The following MCTP1 variants were observed in gnomAD, a reference collection of about 807,000 sequenced individuals.
MCTP1 encodes the protein multiple C2 and transmembrane domain containing 1, also known as multiple C2 and transmembrane domain-containing protein 1.
A neutral mutation model predicts 120.6 loss-of-function variants in MCTP1; 69 were observed. That is an observed-to-expected ratio of 0.57 (90% CI 0.47 to 0.70). The LOEUF (loss-of-function observed/expected upper bound fraction) is 0.70, where lower values mean the gene tolerates loss of function less well. Among genes scored for constraint, MCTP1 ranks in the 30% least tolerant of loss-of-function variants. MCTP1 has a pLI of 0.00. For missense variants in MCTP1, 1,203 were observed against 1,248.8 expected (o/e 0.96, Z 0.55); for synonymous variants, 529 against 493.1 (o/e 1.07, Z -0.96).
At chr5:95,109,835 A>T (rs1252828373) in intron 1 of MCTP1, among the ~76,000 whole-genome samples, 2 of 152,230 alleles carry the variant, frequency 1.3e-5, no homozygotes, top group African/African-American at 2.4e-5. Flanking sequence ...CAAACAAGCA[A>T]AACAAGTCAT....
At chr5:95,168,937 G>C (rs1247692572) in intron 1 of MCTP1, among the ~76,000 whole-genome samples, 3 of 152,046 alleles carry the variant, frequency 2.0e-5, no homozygotes, top group Non-Finnish European at 2.9e-5. Flanking sequence ...ACACTATGTT[G>C]AATAGGAGTG....
chr5:94,985,866 C>T (rs1354720445), intron 2 of MCTP1, among the ~76,000 whole-genome samples: 1 of 152,136 alleles, frequency 6.6e-6, no homozygotes, highest in African/African-American at 2.4e-5. Context: ...AATGGCTTGT[C>T]TGTATAATCT....
intron 19 of MCTP1, among the ~76,000 whole-genome samples, chr5:94,757,034 T>G (rs1770062936): frequency 6.6e-6 from 1 of 152,236 alleles, no homozygotes; most frequent in African/African-American, 2.4e-5. Flanking sequence ...CCTTTGTTTG[T>G]GACTTTGGAC....
rs1249303711 is a variant in MCTP1, at chr5:95,284,677, G to A, written c.-102C>T. On this transcript the variant is annotated 5_prime_UTR_variant, in exon 1 of 23. Transcript: ENST00000515393. The surrounding 1 kb of genome is among the most constrained non-coding windows in gnomAD (Gnocchi z 5.2). ...CCTCCCGGGTCCCCGCGGCGCTGGC[G>A]GTGGCGGCGGCGGCGGCGGCGGGCG... 4 of 1,058,978 alleles carry A rather than the reference G, an allele frequency of 3.8e-6. No individual in the cohort carries two copies. The highest frequency in any genetic ancestry group is 3.8e-6 in the Non-Finnish European group (3 of 791,208). The allele number at this position is 1,058,978 out of a possible 1,614,324, so 65.6% of individuals were successfully genotyped here. A position where few individuals can be genotyped will look rare whatever the true frequency, so the allele number is the denominator to read the frequency against.
At chr5:94,885,161 G>GT (rs889343395) in intron 12 of MCTP1, among the ~76,000 whole-genome samples, 4 of 152,080 alleles carry the variant, frequency 2.6e-5, no homozygotes, top group Non-Finnish European at 5.9e-5. Context: ...GGGTGGAGAA[G>GT]TTTTATATTA....
intron 10 of MCTP1, among the ~76,000 whole-genome samples, chr5:94,897,019 G>T (rs866168563): frequency 2.0e-5 from 3 of 152,012 alleles, no homozygotes; most frequent in African/African-American, 7.2e-5. Context: ...AGCACTGTTA[G>T]CAGTGCTTCT....
At chr5:95,019,668 T>C (rs1163591980) in intron 1 of MCTP1, among the ~76,000 whole-genome samples, 1 of 152,110 alleles carries the variant, frequency 6.6e-6, no homozygotes, top group East Asian at 1.9e-4. Flanking sequence ...CAAGAGTGCC[T>C]ATTTTCCACA....
chr5:95,115,044 T>C (rs1757717741), intron 1 of MCTP1, among the ~76,000 whole-genome samples: 1 of 152,150 alleles, frequency 6.6e-6, no homozygotes, highest in African/African-American at 2.4e-5. Flanking sequence ...CTTCTACAAG[T>C]CTTCAGGAAC....
At position 95,284,666 on chromosome 5, in the gene MCTP1, G is replaced by A. The variant is rs918049533; in HGVS notation, c.-91C>T. On this transcript the variant is annotated 5_prime_UTR_variant, in exon 1 of 23. Coordinates refer to ENST00000515393, the MANE Select transcript of MCTP1 (RefSeq NM_024717.7). This position sits in a 1 kb window ranked among gnomAD's most constrained non-coding sequence, Gnocchi z 5.2. Reference sequence around the variant, plus strand: ...CGGCTGCACCTCCTCCCGGGTCCCCGCGGCGCTGGCGGTGGCGGCGGCGGC... The same window carrying A: ...CGGCTGCACCTCCTCCCGGGTCCCCACGGCGCTGGCGGTGGCGGCGGCGGC... The A allele has an allele frequency of 7.1e-6, 8 of 1,132,576 alleles. No homozygotes were observed. In the South Asian group the frequency reaches 1.2e-4, roughly 17 times the overall value. 70.2% of individuals were successfully genotyped at this position (1,132,576 alleles called of 1,614,324 possible).
chr5:94,825,955 C>T, intron 17 of MCTP1: 1 of 229,424 alleles, frequency 4.4e-6, no homozygotes, highest in Non-Finnish European at 8.9e-6. Context: ...TGGTAGGCAA[C>T]TTAGATCATT....
At chr5:95,034,750 C>T (rs574833222) in intron 1 of MCTP1, among the ~76,000 whole-genome samples, 131 of 151,940 alleles carry the variant, frequency 8.6e-4, no homozygotes, top group Non-Finnish European at 1.3e-3. Context: ...AGCTTCTGTA[C>T]GGCAAAAGAA....
chr5:94,871,546 C>A, intron 13 of MCTP1, 129 bp from the exon 14 acceptor site: 1 of 666,660 alleles, frequency 1.5e-6, no homozygotes, highest in Non-Finnish European at 2.7e-6. Flanking sequence ...TGCATACACA[C>A]ATATACAAGG....
chr5:95,175,022 G>A (rs1489783353), intron 1 of MCTP1, among the ~76,000 whole-genome samples: 1 of 151,796 alleles, frequency 6.6e-6, no homozygotes. Context: ...ATGAGAGAAT[G>A]ACATAAAATC....
In MCTP1 at chr5:94,704,124, T is replaced by C. The variant is rs1218450175; in HGVS notation, c.*3372A>G. ...ACATTATTTTCTATGTGGTTTTAAT[T>C]CATACTTTACTGAGCAATTAGAAAA... On this transcript the variant is annotated 3_prime_UTR_variant, in exon 23 of 23. Transcript: ENST00000515393. The C allele has an allele frequency of 6.7e-6, 1 of 148,618 alleles. No homozygotes were observed. The highest frequency in any genetic ancestry group is 1.5e-5 in the Non-Finnish European group (1 of 66,486). The allele number at this position is 148,618 out of a possible 1,614,324, so 9.2% of individuals were successfully genotyped here. A position where few individuals can be genotyped will look rare whatever the true frequency, so the allele number is the denominator to read the frequency against.
chr5:94,976,254 C>T (rs1416818529), intron 2 of MCTP1, among the ~76,000 whole-genome samples: 3 of 152,090 alleles, frequency 2.0e-5, no homozygotes, highest in Non-Finnish European at 4.4e-5. Flanking sequence ...AGCCTGTCCT[C>T]GCTTTAGCCA....
At chr5:94,954,125 AATAT>A (rs1196045398) in intron 2 of MCTP1, among the ~76,000 whole-genome samples, 1 of 72,970 alleles carries the variant, frequency 1.4e-5, no homozygotes, top group East Asian at 2.7e-4. Context: ...TATATATACA[AATAT>A]ATATATGCAT....
Position 95,042,132 on chromosome 5 carries a change from A to C in MCTP1, c.721-24648T>G, listed in dbSNP as rs201352837. On this transcript the variant is annotated intron_variant, in intron 1 of 22. Transcript: ENST00000515393. ...CAGTGTAGTCGTTTGAAAAGTCCCC[A>C]GTTATGTATAATTGGCATATTCACA... is the stretch of plus-strand genomic sequence containing the variant. Among the ~76,000 whole-genome samples, 3 of 152,180 alleles carry C rather than the reference A, an allele frequency of 2.0e-5. No individual in the cohort carries two copies. In the East Asian group the frequency reaches 5.8e-4, roughly 29 times the overall value.
chr5:95,071,431 G>C (rs2152239450), intron 1 of MCTP1, among the ~76,000 whole-genome samples: 1 of 152,224 alleles, frequency 6.6e-6, no homozygotes, highest in South Asian at 2.1e-4. Context: ...CATATCCTTG[G>C]TCTCAGCTTA....
At chr5:94,974,490 A>G (rs1827622887) in intron 2 of MCTP1, among the ~76,000 whole-genome samples, 1 of 152,046 alleles carries the variant, frequency 6.6e-6, no homozygotes, top group African/African-American at 2.4e-5. Flanking sequence ...TGGTGGCTGC[A>G]GTGAGCTCTC....
Sources: allele counts gnomAD v4.1 joint callset (sites outside exome capture counted in the v4.1 genomes callset), GRCh38; gene constraint gnomAD v4.1.1; non-coding constraint Gnocchi (gnomAD v3.1); transcripts MANE v1.5; gene names NCBI Gene and HGNC (gene_info 2026-07-23, HGNC 2026-07-21).